Variants in RIMS1 observed in about 807,000 individuals in gnomAD.
The protein encoded by RIMS1 is regulating synaptic membrane exocytosis 1.
In RIMS1, 83 loss-of-function variants were observed where a neutral mutation model predicts 214.1. The observed-to-expected ratio is 0.39, with a 90% CI of 0.32 to 0.47. The LOEUF is 0.47. RIMS1 is among the 20% of genes least tolerant of loss of function. RIMS1 has a pLI of 0.99. For synonymous variants in RIMS1, 793 were observed against 786.8 expected, an observed-to-expected ratio of 1.01 and a Z score of -0.13; for missense variants, 2,050 against 2,161.8, an observed-to-expected ratio of 0.95 and a Z score of 1.03.
At chr6:72,026,465 C>T (rs1206377362) in intron 2 of RIMS1, among the ~76,000 whole-genome samples, 1 of 115,504 alleles carries the variant, frequency 8.7e-6, no homozygotes, top group Non-Finnish European at 1.9e-5. Flanking sequence ...GCCCCCCCCC[C>T]CAACTTTTTT....
intron 29 of RIMS1, among the ~76,000 whole-genome samples, chr6:72,376,490 A>G (rs113409061): frequency 6.6e-6 from 1 of 152,166 alleles, no homozygotes; most frequent in Non-Finnish European, 1.5e-5. Context: ...TCCGTGGCTC[A>G]TTCCTGTAAT....
At chr6:71,994,286 G>A (rs1802735756) in intron 2 of RIMS1, among the ~76,000 whole-genome samples, 1 of 152,120 alleles carries the variant, frequency 6.6e-6, no homozygotes, top group South Asian at 2.1e-4. Context: ...TAGAAAAGAA[G>A]AGAAAATATT....
At chr6:72,307,975 T>C (rs983375931) in intron 27 of RIMS1, among the ~76,000 whole-genome samples, 5 of 152,256 alleles carry the variant, frequency 3.3e-5, no homozygotes, top group South Asian at 2.1e-4. Flanking sequence ...GCAAGATATA[T>C]GAAGCCATTT....
intron 4 of RIMS1, among the ~76,000 whole-genome samples, chr6:72,118,968 G>A (rs1319976321): frequency 6.6e-6 from 1 of 151,512 alleles, no homozygotes; most frequent in African/African-American, 2.4e-5. Flanking sequence ...TGGAAGTCCT[G>A]GCCAGACCAA....
At chr6:72,375,073 C>T (rs1327854138) in intron 29 of RIMS1, among the ~76,000 whole-genome samples, 8 of 152,170 alleles carry the variant, frequency 5.3e-5, no homozygotes, top group African/African-American at 1.2e-4. Flanking sequence ...GATGAAGCTT[C>T]GCCCACTACT....
chr6:72,271,286 A>AAATATATATATAT (rs1417580438), intron 22 of RIMS1, among the ~76,000 whole-genome samples: 12 of 44,404 alleles, frequency 2.7e-4, no homozygotes, highest in South Asian at 8.8e-4. Flanking sequence ...AAAAAAAAAA[A>AAATATATATATAT]ATATATATAT....
At chr6:71,887,427 G>C (rs934110916) in intron 1 of RIMS1, among the ~76,000 whole-genome samples, 1 of 152,160 alleles carries the variant, frequency 6.6e-6, no homozygotes, top group Non-Finnish European at 1.5e-5. Context: ...AGGATGACTT[G>C]AGACTGGGGT....
At chr6:72,035,010 C>T (rs763531233) in intron 2 of RIMS1, among the ~76,000 whole-genome samples, 2 of 152,120 alleles carry the variant, frequency 1.3e-5, no homozygotes, top group Non-Finnish European at 2.9e-5. Context: ...TTATCCATTG[C>T]CAGTTGCTGA....
chr6:71,977,827 C>A (rs558473026), intron 2 of RIMS1, among the ~76,000 whole-genome samples: 1 of 152,254 alleles, frequency 6.6e-6, no homozygotes, highest in African/African-American at 2.4e-5. Context: ...CTGAGACAAG[C>A]AAGGGTTCCA....
intron 4 of RIMS1, among the ~76,000 whole-genome samples, chr6:72,115,866 T>C (rs2036972944): frequency 6.6e-6 from 1 of 151,928 alleles, no homozygotes; most frequent in Non-Finnish European, 1.5e-5. Flanking sequence ...ACAGAAACCT[T>C]CAAAAATATC....
chr6:72,077,588 C>T (rs1832246753), intron 2 of RIMS1, among the ~76,000 whole-genome samples: 1 of 152,196 alleles, frequency 6.6e-6, no homozygotes, highest in Admixed American at 6.5e-5. Context: ...ATTCCTCTCT[C>T]CTACCCTTTT....
At position 72,399,018 on chromosome 6, in the gene RIMS1, T is replaced by C. The variant is rs1237906890; in HGVS notation, c.4784T>C (p.Ile1595Thr). The C allele has an allele frequency of 6.2e-7, 1 of 1,610,952 alleles. No homozygotes were observed. The highest frequency in any genetic ancestry group is 2.2e-5 in the East Asian group (1 of 44,718). Residue 1595 changes from isoleucine to threonine, a missense_variant, in exon 33 of 34, where the codon ATT becomes ACT. By Grantham distance (89) the Ile-to-Thr change is moderately conservative (BLOSUM62 -1). Transcript: ENST00000521978. ...TGTATAGCCAAGAAGAAGACAAGAATTGCACGAAAAACCCTTGATCCTTTG... is the reference window on the plus strand; with the variant it reads ...TGTATAGCCAAGAAGAAGACAAGAACTGCACGAAAAACCCTTGATCCTTTG... ...GACIAKKKTRIARKTLDPLYQ... is the reference protein window; with the variant it reads ...GACIAKKKTRTARKTLDPLYQ...
At chr6:71,990,305 T>A (rs984079821) in intron 2 of RIMS1, among the ~76,000 whole-genome samples, 6 of 152,186 alleles carry the variant, frequency 3.9e-5, no homozygotes, top group African/African-American at 1.4e-4. Flanking sequence ...TACAATGCAC[T>A]TAATTGCACG....
chr6:72,210,757 C>T (rs759198327), intron 6 of RIMS1, among the ~76,000 whole-genome samples: 4 of 152,186 alleles, frequency 2.6e-5, no homozygotes, highest in African/African-American at 2.4e-5. Flanking sequence ...ACCTAAGCCT[C>T]GGTTTCCTCA....
intron 29 of RIMS1, among the ~76,000 whole-genome samples, chr6:72,386,154 C>T (rs1267157281): frequency 6.6e-6 from 1 of 152,126 alleles, no homozygotes; most frequent in Non-Finnish European, 1.5e-5. Context: ...TTTTGAGACA[C>T]CCTGTAGATA....
At position 72,256,155 on chromosome 6, in the gene RIMS1, AGCAAAGAACTTTTTCTTTGTAAAAT is replaced by A. The variant is rs2075764020; in HGVS notation, c.2771-1959_2771-1935del. On this transcript the variant is annotated intron_variant, in intron 16 of 33. Coordinates refer to ENST00000521978, the MANE Select transcript of RIMS1 (RefSeq NM_014989.7). ...GTAAAAAGCAACTATAAATGTAAAA[AGCAAAGAACTTTTTCTTTGTAAAAT>A]GCAAAGAACTATAAATGTATATTTA... Among the ~76,000 whole-genome samples, 3 of 152,140 alleles carry A rather than the reference AGCAAAGAACTTTTTCTTTGTAAAAT, an allele frequency of 2.0e-5. No homozygotes were observed. The South Asian group carries it at 6.2e-4, about 31-fold the overall frequency.
At chr6:72,209,879 C>T (rs373674918) in intron 6 of RIMS1, among the ~76,000 whole-genome samples, 9 of 136,342 alleles carry the variant, frequency 6.6e-5, no homozygotes, top group East Asian at 2.0e-4. Flanking sequence ...CCAGTCTGGG[C>T]GACAGAGTGA....
intron 2 of RIMS1, among the ~76,000 whole-genome samples, chr6:72,078,140 C>T (rs1832381308): frequency 1.3e-5 from 2 of 152,116 alleles, no homozygotes; most frequent in African/African-American, 2.4e-5. Context: ...CTAAATGAAG[C>T]TTGCAATCTG....
At chr6:72,207,957 C>T (rs1208710183) in intron 6 of RIMS1, among the ~76,000 whole-genome samples, 1 of 152,064 alleles carries the variant, frequency 6.6e-6, no homozygotes, top group East Asian at 1.9e-4. Context: ...CAGCAATATG[C>T]CTGGATAAAT....
Sources: gnomAD v4.1 joint callset for allele counts (sites outside exome capture counted in the v4.1 genomes callset) on GRCh38, gnomAD v4.1.1 for gene constraint, MANE v1.5 for transcripts, NCBI Gene and HGNC (gene_info 2026-07-23, HGNC 2026-07-21) for gene names.